Variants in TBL1X observed in about 807,000 individuals in gnomAD.
The protein encoded by TBL1X is F-box-like/WD repeat-containing protein TBL1X.
In TBL1X, 10 loss-of-function variants were observed where a neutral mutation model predicts 50.7. That is an observed-to-expected ratio of 0.20 (90% CI 0.12 to 0.33). The LOEUF (loss-of-function observed/expected upper bound fraction) is 0.33, where lower values mean the gene tolerates loss of function less well. TBL1X is among the 10% of genes least tolerant of loss of function. The pLI is 1.00. For synonymous variants in TBL1X, 190 were observed against 214.7 expected (o/e 0.88, Z 1.01); for missense variants, 340 against 504.4 (o/e 0.67, Z 3.12).
chrX:9,492,883 GTGTGTGTGTGT>G (rs1297269689), intron 1 of TBL1X, among the ~76,000 whole-genome samples: 3,173 of 44,145 alleles, frequency 0.072, 160 homozygotes, highest in Non-Finnish European at 0.078. Flanking sequence ...GTGTGTGTGT[GTGTGTGTGTGT>G]GTGTAGGGGA....
chrX:9,706,036 C>T (rs973269683), intron 13 of TBL1X, among the ~76,000 whole-genome samples: 11 of 110,449 alleles, frequency 1.0e-4, no homozygotes, highest in African/African-American at 3.0e-4. Context: ...GGGGGGGTGT[C>T]ACATACTTTT....
intron 2 of TBL1X, among the ~76,000 whole-genome samples, chrX:9,594,955 A>G (rs748290549): frequency 8.9e-6 from 1 of 112,163 alleles, no homozygotes; most frequent in Non-Finnish European, 1.9e-5. Flanking sequence ...GTTTGGTCAC[A>G]TAACCTCTCA....
chrX:9,468,158 CT>C (rs1244143100), intron 1 of TBL1X, among the ~76,000 whole-genome samples: 4 of 112,190 alleles, frequency 3.6e-5, no homozygotes, highest in African/African-American at 1.3e-4. Flanking sequence ...GCTTCCTTTT[CT>C]TGTCTAGGTT....
At chrX:9,611,164 C>T (rs2082611637) in intron 2 of TBL1X, among the ~76,000 whole-genome samples, 2 of 112,042 alleles carry the variant, frequency 1.8e-5, no homozygotes, top group Admixed American at 1.9e-4. Flanking sequence ...AAGTTTCTTT[C>T]AGAAGGTGGC....
At chrX:9,625,060 GTA>G (rs2082685612) in intron 2 of TBL1X, among the ~76,000 whole-genome samples, 1 of 112,283 alleles carries the variant, frequency 8.9e-6, no homozygotes, top group South Asian at 3.6e-4. Context: ...CTTGATACTT[GTA>G]TGACTATTTT....
In TBL1X at chrX:9,681,541, C is replaced by CT. The variant is rs1417089341; in HGVS notation, c.212-2501dup. Among the ~76,000 whole-genome samples the CT allele has an allele frequency of 2.5e-4, 28 of 112,449 alleles. No homozygotes were observed. In the Admixed American group the frequency reaches 2.6e-3, roughly 11 times the overall value. Reference sequence around the variant, plus strand: ...GATGGTAATGTGGTCAGAATCGGCTCTGTTTCACAGAGCATGTGACTGCAA... The same window carrying CT: ...GATGGTAATGTGGTCAGAATCGGCTCTTGTTTCACAGAGCATGTGACTGCAA... On this transcript the variant is annotated intron_variant, in intron 5 of 17. Transcript: ENST00000645353.
intron 3 of TBL1X, among the ~76,000 whole-genome samples, chrX:9,644,448 T>C (rs930985235): frequency 9.0e-6 from 1 of 111,123 alleles, no homozygotes; most frequent in South Asian, 3.8e-4. Flanking sequence ...GTCCGGCTCA[T>C]GTGATGTGGG....
intron 3 of TBL1X, among the ~76,000 whole-genome samples, chrX:9,652,986 G>A (rs1431887674): frequency 9.0e-6 from 1 of 111,343 alleles, no homozygotes; most frequent in Non-Finnish European, 1.9e-5. Flanking sequence ...CCAACATGGT[G>A]AAACCCCGTC....
intron 2 of TBL1X, among the ~76,000 whole-genome samples, chrX:9,519,010 A>G (rs763867521): frequency 2.7e-5 from 2 of 74,917 alleles, no homozygotes; most frequent in Non-Finnish European, 5.4e-5. Flanking sequence ...TAACATACAT[A>G]TGAAGTGTGC....
chrX:9,676,367 A>G lies in TBL1X; in HGVS notation c.212-7676A>G, dbSNP rs759293286. Among the ~76,000 whole-genome samples, 16 of 111,846 alleles carry G rather than the reference A, an allele frequency of 1.4e-4. No individual in the cohort carries two copies. The East Asian group carries it at 4.5e-3, about 31-fold the overall frequency. On this transcript the variant is annotated intron_variant, in intron 5 of 17. Coordinates refer to ENST00000645353, the MANE Select transcript of TBL1X (RefSeq NM_005647.4). ...GGTTGTCTCGTTGTCCTAGCCCGCCATTGCCCTGGGAGGAAGTAGCCACAT... is the reference window on the plus strand; with the variant it reads ...GGTTGTCTCGTTGTCCTAGCCCGCCGTTGCCCTGGGAGGAAGTAGCCACAT...
At position 9,474,368 on chromosome X, in the gene TBL1X, C is replaced by T. The variant is rs953739132; in HGVS notation, c.-201+8921C>T. 3.5e-5 allele frequency among the ~76,000 whole-genome samples: 4 copies of T among 113,194 alleles called. No homozygotes were observed. In the South Asian group the frequency reaches 1.4e-3, roughly 41 times the overall value. On this transcript the variant is annotated intron_variant, in intron 1 of 17. Coordinates refer to ENST00000645353, the MANE Select transcript of TBL1X (RefSeq NM_005647.4). ...TGCCTGCAGGTAGGACACAGTTGTACTCCCCTTTCCTCTGACTTCAGCTAC... is the reference window on the plus strand; with the variant it reads ...TGCCTGCAGGTAGGACACAGTTGTATTCCCCTTTCCTCTGACTTCAGCTAC...
At chrX:9,512,022 A>G (rs937234036) in intron 2 of TBL1X, among the ~76,000 whole-genome samples, 6 of 110,785 alleles carry the variant, frequency 5.4e-5, no homozygotes, top group African/African-American at 2.0e-4. Flanking sequence ...CACCACTCCC[A>G]GCTAGTTTTA....
chrX:9,559,613 T>C (rs2082315698), intron 2 of TBL1X, among the ~76,000 whole-genome samples: 1 of 112,023 alleles, frequency 8.9e-6, no homozygotes, highest in Admixed American at 9.5e-5. Context: ...ATGGAGCTCC[T>C]GCATCACTGA....
At chrX:9,519,477 G>A (rs1056239293) in intron 2 of TBL1X, among the ~76,000 whole-genome samples, 1 of 111,639 alleles carries the variant, frequency 9.0e-6, no homozygotes, top group Non-Finnish European at 1.9e-5. Context: ...AGCCTTTCTA[G>A]GCTAGTTGGG....
At chrX:9,483,867 C>T (rs916187095) in intron 1 of TBL1X, among the ~76,000 whole-genome samples, 1 of 111,374 alleles carries the variant, frequency 9.0e-6, no homozygotes, top group Non-Finnish European at 1.9e-5. Context: ...TGTCCATACG[C>T]TAATATGTAG....
intron 16 of TBL1X, among the ~76,000 whole-genome samples, chrX:9,714,185 G>A (rs943246628): frequency 7.2e-5 from 8 of 111,579 alleles, no homozygotes; most frequent in African/African-American, 2.6e-4. Context: ...GTTTTAAACC[G>A]GAAACCAATG....
At chrX:9,643,912 C>G (rs1198199926) in intron 3 of TBL1X, among the ~76,000 whole-genome samples, 2 of 111,591 alleles carry the variant, frequency 1.8e-5, no homozygotes, top group African/African-American at 6.5e-5. Flanking sequence ...GAGATCCAGG[C>G]CACATTGGGG....
Position 9,647,687 on chromosome X carries a change from G to A in TBL1X, c.-42-5858G>A, listed in dbSNP as rs2082812191. ...CCGGTTAGGTGTTAGAATGCGGCTT[G>A]TGTCTCCAGCTGTACATACTAGAAA... On this transcript the variant is annotated intron_variant, in intron 3 of 17. Transcript: ENST00000645353. Among the ~76,000 whole-genome samples the A allele has an allele frequency of 2.7e-5, 3 of 112,253 alleles. No individual in the cohort carries two copies. The South Asian group carries it at 1.1e-3, about 42-fold the overall frequency.
rs150388067 is a variant in TBL1X, at chrX:9,619,652, A to T, written c.-130-20621A>T. Among the ~76,000 whole-genome samples the T allele has an allele frequency of 2.7e-3, 301 of 112,544 alleles. 2 individuals are homozygous for T. The highest frequency in any genetic ancestry group is 8.8e-3 in the African/African-American group (273 of 30,967). ...CTCGTACTTCATCCGTCTGTGTAAT[A>T]TTTAAAGTTTGTAGTTAAAATAGTG... On this transcript the variant is annotated intron_variant, in intron 2 of 17. Coordinates refer to ENST00000645353, the MANE Select transcript of TBL1X (RefSeq NM_005647.4).
Sources: allele counts gnomAD v4.1 joint callset (sites outside exome capture counted in the v4.1 genomes callset), GRCh38; gene constraint gnomAD v4.1.1; transcripts MANE v1.5; gene names NCBI Gene and HGNC (gene_info 2026-07-23, HGNC 2026-07-21).